Variants in SLC43A2 observed in about 807,000 individuals in gnomAD.
The protein encoded by SLC43A2 is solute carrier family 43 member 2, also known as large neutral amino acids transporter small subunit 4.
SLC43A2 carries 38 observed loss-of-function variants against 63.2 expected under a neutral mutation model. The observed-to-expected ratio is 0.60, with a 90% confidence interval of 0.46 to 0.79. The LOEUF is 0.79. SLC43A2 is among the 30% of genes least tolerant of loss of function. The probability of loss-of-function intolerance (pLI) is 0.00; values close to 1 mark genes in which losing one functional copy is unlikely to be tolerated. For missense variants in SLC43A2, 644 were observed against 756.2 expected (o/e 0.85, Z 1.74); for synonymous variants, 322 against 331.0 (o/e 0.97, Z 0.30).
At chr17:1,621,612 C>T (rs905189073) in intron 2 of SLC43A2, among the ~76,000 whole-genome samples, 11 of 152,236 alleles carry the variant, frequency 7.2e-5, no homozygotes, top group Admixed American at 5.2e-4. Context: ...GTCCCAGCAG[C>T]GGCTGCCGTG....
chr17:1,580,024 T>C (rs1464920240), intron 11 of SLC43A2, among the ~76,000 whole-genome samples: 1 of 151,948 alleles, frequency 6.6e-6, no homozygotes, highest in African/African-American at 2.4e-5. Context: ...CCTCCTGGAT[T>C]CAAGCAATTC....
chr17:1,578,244 A>C lies in SLC43A2; in HGVS notation c.1424+6T>G. On this transcript the variant is annotated splice_donor_region_variant and intron_variant, in intron 12 of 13. Coordinates refer to ENST00000301335, the MANE Select transcript of SLC43A2 (RefSeq NM_152346.3). This position sits in a 1 kb window ranked among gnomAD's most constrained non-coding sequence, Gnocchi z 6.5. ...CACCAGGCCACCTGCGGCTTCCAGGACTTACACGGCAGCGTACAGGCCCCC... is the reference window on the plus strand; with the variant it reads ...CACCAGGCCACCTGCGGCTTCCAGGCCTTACACGGCAGCGTACAGGCCCCC... The C allele has an allele frequency of 6.2e-7, 1 of 1,612,324 alleles. No homozygotes were observed.
At chr17:1,585,001 G>A (rs1005483927) in intron 10 of SLC43A2, among the ~76,000 whole-genome samples, 1 of 151,996 alleles carries the variant, frequency 6.6e-6, no homozygotes, top group Non-Finnish European at 1.5e-5. Flanking sequence ...AATAAACCTT[G>A]CAGGCAGATA....
intron 10 of SLC43A2, chr17:1,585,375 G>T: frequency 2.3e-6 from 1 of 430,170 alleles, no homozygotes; most frequent in Non-Finnish European, 3.5e-6. Context: ...CTGAGTAGCT[G>T]GGATTACAGG....
At chr17:1,591,041 G>C in intron 8 of SLC43A2, 93 bp from the exon 9 acceptor site, 1 of 1,418,524 alleles carries the variant, frequency 7.0e-7, no homozygotes. Flanking sequence ...GGCCAGGAGG[G>C]GGCCCTCGGG....
At chr17:1,609,475 T>G (rs1906904926) in intron 5 of SLC43A2, among the ~76,000 whole-genome samples, 1 of 152,246 alleles carries the variant, frequency 6.6e-6, no homozygotes, top group Non-Finnish European at 1.5e-5. Flanking sequence ...GTGCTGGGAT[T>G]ACAGGCGTGA....
At chr17:1,588,095 C>T (rs1762419518) in intron 9 of SLC43A2, among the ~76,000 whole-genome samples, 1 of 152,250 alleles carries the variant, frequency 6.6e-6, no homozygotes, top group Admixed American at 6.5e-5. Flanking sequence ...CCACGTCTTC[C>T]CCATCTCAAG....
At chr17:1,612,653 G>A (rs373422900) in intron 5 of SLC43A2, among the ~76,000 whole-genome samples, 1 of 152,228 alleles carries the variant, frequency 6.6e-6, no homozygotes, top group Non-Finnish European at 1.5e-5. Flanking sequence ...AGCTGCTTCC[G>A]CAGCATCAAA....
intron 6 of SLC43A2, 35 bp from the exon 7 acceptor site, chr17:1,591,734 A>AGGAGGGGGGGGGGGGGGGGG: frequency 3.4e-6 from 1 of 293,096 alleles, no homozygotes; most frequent in South Asian, 4.0e-5. Context: ...TGGGGGGGGG[A>AGGAGGGGGGGGGGGGGGGGG]GGGGGCAGAG....
intron 6 of SLC43A2, 35 bp from the exon 7 acceptor site, chr17:1,591,734 A>AGGGGGGGGGGGGGGGGGT: frequency 3.4e-6 from 1 of 293,096 alleles, no homozygotes; most frequent in Non-Finnish European, 6.8e-6. Context: ...TGGGGGGGGG[A>AGGGGGGGGGGGGGGGGGT]GGGGGCAGAG....
rs79724553 is a variant in SLC43A2, at chr17:1,583,652, A to G, written c.1218-316T>C. ...TAGCAGCGTGTGCCTGAGCTGGCAC[A>G]TGGCAAAGCCTCACTTCACCACTGG... On this transcript the variant is annotated intron_variant, in intron 10 of 13. Coordinates refer to ENST00000301335, the MANE Select transcript of SLC43A2 (RefSeq NM_152346.3). This position sits in a 1 kb window ranked among gnomAD's most constrained non-coding sequence, Gnocchi z 5.5. The G allele has an allele frequency of 0.016, 4,623 of 285,310 alleles. 214 individuals carry two copies. The highest frequency in any genetic ancestry group is 0.092 in the African/African-American group (4,300 of 46,738). The allele number at this position is 285,310 out of a possible 1,614,324, so 17.7% of individuals were successfully genotyped here. A position where few individuals can be genotyped will look rare whatever the true frequency, so the allele number is the denominator to read the frequency against.
chr17:1,614,562 A>G (rs146494241), intron 4 of SLC43A2, among the ~76,000 whole-genome samples: 1 of 152,254 alleles, frequency 6.6e-6, no homozygotes, highest in East Asian at 1.9e-4. Flanking sequence ...TGTTTGCTCT[A>G]CAAATCCTTG....
intron 5 of SLC43A2, among the ~76,000 whole-genome samples, chr17:1,598,914 C>A (rs1171332216): frequency 6.6e-6 from 1 of 152,226 alleles, no homozygotes; most frequent in Non-Finnish European, 1.5e-5. Flanking sequence ...CTTACCAGCA[C>A]CAAGAAAATT....
At chr17:1,604,881 A>G (rs1028466174) in intron 5 of SLC43A2, 7 of 1,535,194 alleles carry the variant, frequency 4.6e-6, no homozygotes, top group Non-Finnish European at 6.1e-6. Context: ...CTCCGTCCCC[A>G]GCTTCCCTGC....
chr17:1,600,152 A>ATATATAT lies in SLC43A2; in HGVS notation c.502-6874_502-6873insATATATA, dbSNP rs1216616243. Among the ~76,000 whole-genome samples, 170 of 60,268 alleles carry ATATATAT rather than the reference A, an allele frequency of 2.8e-3. 6 individuals carry two copies. Among genetic ancestry groups the ATATATAT allele is most frequent in the Middle Eastern group, 8.9e-3 (1 of 112 alleles). 39.5% of individuals were successfully genotyped at this position (60,268 alleles called of 152,430 possible). On this transcript the variant is annotated intron_variant, in intron 5 of 13. Coordinates refer to ENST00000301335, the MANE Select transcript of SLC43A2 (RefSeq NM_152346.3). ...ATTAATTGAATATATATATATATAT[A>ATATATAT]TTTTTTTTTTTTTTTTGAGACGGAG...
At chr17:1,587,120 G>A (rs151247227) in intron 9 of SLC43A2, among the ~76,000 whole-genome samples, 398 of 24,140 alleles carry the variant, frequency 0.016, 2 homozygotes, top group Non-Finnish European at 0.027. Context: ...CCCACTAAGC[G>A]TGACTCGGGG....
rs570055150 is a variant in SLC43A2, at chr17:1,605,954, G to A, written c.501+7241C>T. 9.2e-5 allele frequency among the ~76,000 whole-genome samples: 14 copies of A among 152,242 alleles called. No homozygotes were observed. The highest frequency in any genetic ancestry group is 6.2e-4 in the South Asian group (3 of 4,830). On this transcript the variant is annotated intron_variant, in intron 5 of 13. Coordinates refer to ENST00000301335, the MANE Select transcript of SLC43A2 (RefSeq NM_152346.3). The surrounding 1 kb of genome is among the most constrained non-coding windows in gnomAD (Gnocchi z 4.9). ...ATACCGCTGCCCTTTCCGTCTGAAC[G>A]TGGTCACATACTGCAGCAAATTCAT... is the stretch of plus-strand genomic sequence containing the variant.
chr17:1,600,585 GCT>G (rs1216383639), intron 5 of SLC43A2, among the ~76,000 whole-genome samples: 24 of 111,358 alleles, frequency 2.2e-4, no homozygotes, highest in African/African-American at 8.4e-4. Context: ...ACATGGTCTC[GCT>G]CTGTCATCCA....
In SLC43A2 at chr17:1,625,683, C is replaced by T. The variant is rs957758490; in HGVS notation, c.160+2032G>A. Among the ~76,000 whole-genome samples, 3 of 152,200 alleles carry T rather than the reference C, an allele frequency of 2.0e-5. No homozygotes were observed. In the South Asian group the frequency reaches 6.2e-4, roughly 31 times the overall value. The stretch of plus-strand genomic sequence containing the variant: ...ACCAGAGAGATAAGCTGTGTGGAAT[C>T]AGCAGCCTTCCCGCCCAGAACGTGG... On this transcript the variant is annotated intron_variant, in intron 2 of 13. Coordinates refer to ENST00000301335, the MANE Select transcript of SLC43A2 (RefSeq NM_152346.3).
Sources: gnomAD v4.1 joint callset for allele counts (sites outside exome capture counted in the v4.1 genomes callset) on GRCh38, gnomAD v4.1.1 for gene constraint, Gnocchi (gnomAD v3.1) non-coding constraint, MANE v1.5 for transcripts, NCBI Gene and HGNC (gene_info 2026-07-23, HGNC 2026-07-21) for gene names.